The following RBP4 variants were observed in gnomAD, a reference collection of about 807,000 sequenced individuals.
The protein encoded by RBP4 is retinol-binding protein 4.
RBP4 carries 9 observed loss-of-function variants against 26.2 expected under a neutral mutation model. The ratio of observed to expected loss-of-function variants is 0.34; its 90% CI spans 0.21 to 0.60. The LOEUF is 0.60. RBP4 is among the 20% of genes least tolerant of loss of function. The pLI, the probability that RBP4 is intolerant of heterozygous loss-of-function variation, is 0.80. For missense variants in RBP4, 244 were observed against 271.3 expected (o/e 0.90, Z 0.71); for synonymous variants, 114 against 111.0 (o/e 1.03, Z -0.17).
chr10:93,591,856 T>G lies in RBP4; in HGVS notation c.*219A>C. 1.7e-6 allele frequency: 1 copy of G among 581,152 alleles called. No homozygotes were observed. The allele number at this position is 581,152 out of a possible 1,614,324, so 36.0% of individuals were successfully genotyped here. On this transcript the variant is annotated 3_prime_UTR_variant, in exon 6 of 6. Transcript: ENST00000371464. The stretch of plus-strand genomic sequence containing the variant: ...TAAAATCACAGGACACGGGTGACTA[T>G]AGTTTAATGAATCAGAGTCTGGAAT...
chr10:93,594,555 C>T (rs995146239), intron 4 of RBP4, among the ~76,000 whole-genome samples: 5 of 152,180 alleles, frequency 3.3e-5, no homozygotes, highest in African/African-American at 1.2e-4. Flanking sequence ...GAGGATGCCA[C>T]GCCCATGGTC....
Position 93,591,977 on chromosome 10 carries a change from G to A in RBP4, c.*98C>T. The A allele has an allele frequency of 1.0e-6, 1 of 999,558 alleles. No individual in the cohort carries two copies. Among genetic ancestry groups the A allele is most frequent in the Non-Finnish European group, 1.6e-6 (1 of 623,352 alleles). 61.9% of individuals were successfully genotyped at this position (999,558 alleles called of 1,614,324 possible). A position where few individuals can be genotyped will look rare whatever the true frequency, so the allele number is the denominator to read the frequency against. ...GAAGGTTTTATGGGAACTGAGGGAAGATGGGGAGAGAAGGGCAAATTAAAC... is the reference window on the plus strand; with the variant it reads ...GAAGGTTTTATGGGAACTGAGGGAAAATGGGGAGAGAAGGGCAAATTAAAC... On this transcript the variant is annotated 3_prime_UTR_variant, in exon 6 of 6. Coordinates refer to ENST00000371464, the MANE Select transcript of RBP4 (RefSeq NM_006744.4).
intron 4 of RBP4, among the ~76,000 whole-genome samples, chr10:93,597,707 G>A (rs992533614): frequency 1.3e-5 from 2 of 152,220 alleles, no homozygotes; most frequent in Middle Eastern, 3.4e-3. Context: ...AAAATAATTC[G>A]ACAACAAATT....
chr10:93,600,394 T>G lies in RBP4; in HGVS notation c.354A>C (p.Gly118=). The change falls in exon 4 of 6, where the codon GGA becomes GGC. Residue 118 remains glycine, a splice_region_variant and synonymous_variant. Transcript: ENST00000371464. Reference sequence around the variant, plus strand: ...AGTCCCACAGAGCTGACTACTCACTTCCTTTCTGGAGAAAGGAGGCTACGC... The same window carrying G: ...AGTCCCACAGAGCTGACTACTCACTGCCTTTCTGGAGAAAGGAGGCTACGC... ...YWGVASFLQK[G]NDDHWIVDTD... 1 of 1,613,790 alleles carries G rather than the reference T, an allele frequency of 6.2e-7. No individual in the cohort carries two copies. Among genetic ancestry groups the G allele is most frequent in the Non-Finnish European group, 8.5e-7 (1 of 1,179,764 alleles).
At chr10:93,600,611 G>A in intron 3 of RBP4, 56 bp downstream of exon 3, 1 of 1,612,482 alleles carries the variant, frequency 6.2e-7, no homozygotes, top group Non-Finnish European at 8.5e-7. Flanking sequence ...TCAGCAGGCA[G>A]GGCCCTTGGG....
chr10:93,594,131 T>C, intron 4 of RBP4, 96 bp from the exon 5 acceptor site: 1 of 1,173,294 alleles, frequency 8.5e-7, no homozygotes, highest in Non-Finnish European at 1.3e-6. Flanking sequence ...CACAGTGACT[T>C]CCAGAAGCTG....
chr10:93,599,460 C>T (rs1339737456), intron 4 of RBP4, among the ~76,000 whole-genome samples: 1 of 152,092 alleles, frequency 6.6e-6, no homozygotes, highest in Non-Finnish European at 1.5e-5. Flanking sequence ...AGAGCTCAAA[C>T]AATACTTTGC....
intron 3 of RBP4, 70 bp from the exon 4 acceptor site, chr10:93,600,569 G>C: frequency 1.2e-6 from 2 of 1,611,910 alleles, no homozygotes; most frequent in East Asian, 4.5e-5. Flanking sequence ...CCCATTCGGT[G>C]CTCCCTTCCC....
intron 5 of RBP4, 122 bp downstream of exon 5, chr10:93,593,701 C>T (rs1224304941): frequency 2.6e-6 from 3 of 1,142,070 alleles, no homozygotes; most frequent in Non-Finnish European, 3.9e-6. Flanking sequence ...CAGAAAGGGG[C>T]TCCCAAGAAC....
In RBP4 at chr10:93,600,791, A is replaced by G; in HGVS notation, c.124T>C (p.Trp42Arg). The stretch of plus-strand genomic sequence containing the variant: ...GGGTCCTTCTTGGCCATGGCGTACC[A>G]GGTCCCAGAGAACTGTGAGAAGGAT... ...NFDKARFSGTWYAMAKKDPEG... is the reference protein window; with the variant it reads ...NFDKARFSGTRYAMAKKDPEG... Residue 42 changes from tryptophan to arginine, a missense_variant, in exon 3 of 6, where the codon TGG (tryptophan) becomes CGG (arginine). By Grantham distance (101) the Trp-to-Arg change is moderately radical. Transcript: ENST00000371464. 1 of 1,559,866 alleles carries G rather than the reference A, an allele frequency of 6.4e-7. No homozygotes were observed. The highest frequency in any genetic ancestry group is 8.7e-7 in the Non-Finnish European group (1 of 1,148,620).
At chr10:93,597,890 T>G (rs2058312417) in intron 4 of RBP4, among the ~76,000 whole-genome samples, 1 of 152,076 alleles carries the variant, frequency 6.6e-6, no homozygotes, top group Non-Finnish European at 1.5e-5. Context: ...AAGACCATGG[T>G]CAGGGAAGAA....
intron 4 of RBP4, among the ~76,000 whole-genome samples, chr10:93,594,608 C>T (rs1242234902): frequency 6.6e-6 from 1 of 152,228 alleles, no homozygotes; most frequent in African/African-American, 2.4e-5. Flanking sequence ...ATTAATGCTA[C>T]TCACTTCTTT....
intron 3 of RBP4, 73 bp from the exon 4 acceptor site, chr10:93,600,572 C>G: frequency 6.2e-7 from 1 of 1,612,622 alleles, no homozygotes. Context: ...ATTCGGTGCT[C>G]CCTTCCCTTC....
chr10:93,595,937 G>A (rs1289538204), intron 4 of RBP4, among the ~76,000 whole-genome samples: 2 of 152,202 alleles, frequency 1.3e-5, no homozygotes, highest in African/African-American at 4.8e-5. Context: ...CTGCTCAGCA[G>A]GAACCATAAA....
upstream of RBP4, chr10:93,601,254 C>T (rs1219919959): frequency 7.4e-6 from 9 of 1,222,562 alleles, no homozygotes; most frequent in Non-Finnish European, 6.1e-6. Context: ...CGCGGCCGCC[C>T]CGCTGCTTTA....
intron 4 of RBP4, among the ~76,000 whole-genome samples, chr10:93,595,336 C>T (rs892005730): frequency 3.3e-5 from 5 of 152,116 alleles, no homozygotes; most frequent in African/African-American, 1.2e-4. Flanking sequence ...TTTGTTTTCT[C>T]GGTTACCTCT....
chr10:93,593,767 A>G (rs957248963), intron 5 of RBP4, 56 bp downstream of exon 5: 7 of 1,571,524 alleles, frequency 4.5e-6, no homozygotes, highest in Non-Finnish European at 6.1e-6. Flanking sequence ...TGGGCCCCTT[A>G]GTCCAAACCC....
At chr10:93,593,764 C>G (rs2058282358) in intron 5 of RBP4, 59 bp downstream of exon 5, 23 of 1,570,638 alleles carry the variant, frequency 1.5e-5, no homozygotes, top group Non-Finnish European at 2.0e-5. Context: ...ACGTGGGCCC[C>G]TTAGTCCAAA....
At chr10:93,596,859 C>T (rs1364643817) in intron 4 of RBP4, among the ~76,000 whole-genome samples, 1 of 152,188 alleles carries the variant, frequency 6.6e-6, no homozygotes, top group Non-Finnish European at 1.5e-5. Context: ...GCAGCAAGAC[C>T]AGGTGGGAAG....
Sources: allele counts gnomAD v4.1 joint callset (sites outside exome capture counted in the v4.1 genomes callset), GRCh38; gene constraint gnomAD v4.1.1; transcripts MANE v1.5; gene names NCBI Gene and HGNC (gene_info 2026-07-23, HGNC 2026-07-21).